ZNF282: variants seen among roughly 807,000 people sequenced by gnomAD.
ZNF282 encodes the protein HTLV-I U5 repressive element-binding protein 1.
Under a neutral mutation model 61.9 loss-of-function variants are expected in ZNF282, and 30 were observed. The observed-to-expected ratio is 0.48, with a 90% CI of 0.36 to 0.66. ZNF282 has a LOEUF of 0.66. Among genes scored for constraint, ZNF282 ranks in the 30% least tolerant of loss-of-function variants. The pLI is 0.00. For synonymous variants in ZNF282, 396 were observed against 405.0 expected, an observed-to-expected ratio of 0.98 and a Z score of 0.27; for missense variants, 788 against 941.4, an observed-to-expected ratio of 0.84 and a Z score of 2.13.
intron 2 of ZNF282, 195 bp from the exon 3 acceptor site, chr7:149,206,501 A>G: frequency 1.4e-6 from 1 of 729,798 alleles, no homozygotes. Context: ...AGGGTTGACC[A>G]TCCGTGTTAT....
rs1319578068 is a variant in ZNF282 at position 149,224,425 on chromosome 7, C to T, written c.1794C>T (p.Gly598=). 3.1e-6 allele frequency: 5 copies of T among 1,613,952 alleles called. No homozygotes were observed. The East Asian group carries it at 8.9e-5, about 29-fold the overall frequency. Residue 598 remains glycine (G), a synonymous_variant, in exon 8 of 8, where the codon GGC becomes GGT. Transcript: ENST00000610704. The stretch of plus-strand genomic sequence containing the variant: ...AGAACCACCAGCGGCTGCACACGGG[C>T]GAGCGGCCTTTCCAATGTGCACTGT... ...HLQNHQRLHT[G]ERPFQCALCG... is the part of the protein sequence containing the mutation.
intron 2 of ZNF282, among the ~76,000 whole-genome samples, chr7:149,200,572 G>A (rs537889114): frequency 1.2e-3 from 184 of 151,998 alleles, no homozygotes; most frequent in African/African-American, 3.8e-3. Context: ...ACTGCATCCC[G>A]TCTCACAGTC....
At chr7:149,211,145 G>A (rs917370348) in intron 5 of ZNF282, among the ~76,000 whole-genome samples, 16 of 152,146 alleles carry the variant, frequency 1.1e-4, no homozygotes, top group Non-Finnish European at 4.4e-5. Context: ...ACATACCTGC[G>A]GTCCTGTGAG....
intron 2 of ZNF282, among the ~76,000 whole-genome samples, chr7:149,204,854 C>T (rs1795968566): frequency 6.6e-6 from 1 of 152,188 alleles, no homozygotes; most frequent in Admixed American, 6.5e-5. Flanking sequence ...CACGGTGGCT[C>T]ACGCCTGTAA....
Position 149,200,574 on chromosome 7 carries a change from C to T in ZNF282, c.585+1822C>T, listed in dbSNP as rs146029810. On this transcript the variant is annotated intron_variant, in intron 2 of 7. Coordinates refer to ENST00000610704, the MANE Select transcript of ZNF282 (RefSeq NM_003575.4). ...CTCCTCCCTCATGACTGCATCCCGT[C>T]TCACAGTCTTTATTATTTATTTATT... Among the ~76,000 whole-genome samples, 725 of 152,192 alleles carry T rather than the reference C, an allele frequency of 4.8e-3. 4 individuals are homozygous for T. Among genetic ancestry groups the T allele is most frequent in the Non-Finnish European group, 4.9e-3 (334 of 68,010 alleles).
chr7:149,221,687 G>A (rs1431405662), intron 7 of ZNF282, among the ~76,000 whole-genome samples: 1 of 152,092 alleles, frequency 6.6e-6, no homozygotes, highest in Non-Finnish European at 1.5e-5. Context: ...AATTCTTTTG[G>A]CCTCTGCACC....
At chr7:149,210,541 C>G (rs1585567971) in intron 4 of ZNF282, 44 bp from the exon 5 acceptor site, 1 of 1,597,276 alleles carries the variant, frequency 6.3e-7, no homozygotes, top group Non-Finnish European at 8.5e-7. Context: ...CTCCTGGTGC[C>G]TGCAGAAAAA....
intron 2 of ZNF282, among the ~76,000 whole-genome samples, chr7:149,206,094 G>A (rs1297591161): frequency 6.6e-6 from 1 of 152,166 alleles, no homozygotes; most frequent in Admixed American, 6.5e-5. Context: ...CTGACACCAC[G>A]CGACGACTCG....
At position 149,205,259 on chromosome 7, in the gene ZNF282, G is replaced by A. The variant is rs552385148; in HGVS notation, c.586-1437G>A. Among the ~76,000 whole-genome samples, 264 of 151,468 alleles carry A rather than the reference G, an allele frequency of 1.7e-3. 3 individuals carry two copies. Among genetic ancestry groups the A allele is most frequent in the Middle Eastern group, 0.01 (3 of 290 alleles). Reference sequence around the variant, plus strand: ...TTGAGACCAGCCTGGCCAATATGGCGAAACCCCGTCTCTACTAAAAATACA... The same window carrying A: ...TTGAGACCAGCCTGGCCAATATGGCAAAACCCCGTCTCTACTAAAAATACA... On this transcript the variant is annotated intron_variant, in intron 2 of 7. Transcript: ENST00000610704.
chr7:149,203,805 C>T (rs115564699), intron 2 of ZNF282, among the ~76,000 whole-genome samples: 3 of 152,258 alleles, frequency 2.0e-5, no homozygotes, highest in East Asian at 1.9e-4. Context: ...ATCAATAAAA[C>T]GAAGATGATA....
Position 149,224,524 on chromosome 7 carries a change from G to A in ZNF282, c.1893G>A (p.Thr631=), listed in dbSNP as rs139696248. 1.9e-6 allele frequency: 3 copies of A among 1,611,524 alleles called. No individual in the cohort carries two copies. Among genetic ancestry groups the A allele is most frequent in the African/African-American group, 1.3e-5 (1 of 74,886 alleles). The change falls in exon 8 of 8, where the codon ACG becomes ACA. Residue 631 remains threonine, a synonymous_variant. Coordinates refer to ENST00000610704, the MANE Select transcript of ZNF282 (RefSeq NM_003575.4). The stretch of plus-strand genomic sequence containing the variant: ...TCCACACGGGCGAGCGCCCCTACAC[G>A]TGCGGCGAGTGCGGCAAGAGCTTCC... ...QRIHTGERPY[T]CGECGKSFRY...
Position 149,198,191 on chromosome 7 carries a change from T to C in ZNF282, c.166-142T>C. 1.1e-6 allele frequency: 1 copy of C among 887,512 alleles called. No individual in the cohort carries two copies. Among genetic ancestry groups the C allele is most frequent in the Non-Finnish European group, 1.7e-6 (1 of 601,210 alleles). 55.0% of individuals were successfully genotyped at this position (887,512 alleles called of 1,614,324 possible). ...GTGAGTGGGTAGCTGTTGCTGGGGG[T>C]GTTAGTGTATCCTGAGTTACGGGGG... On this transcript the variant is annotated intron_variant, in intron 1 of 7. Transcript: ENST00000610704. This position sits in a 1 kb window ranked among gnomAD's most constrained non-coding sequence, Gnocchi z 4.3.
intron 1 of ZNF282, among the ~76,000 whole-genome samples, chr7:149,196,569 C>T (rs1158802725): frequency 6.6e-6 from 1 of 152,198 alleles, no homozygotes; most frequent in Non-Finnish European, 1.5e-5. Context: ...CTGGGCTGCT[C>T]AGGGGCCCCT....
At chr7:149,222,584 G>A (rs1796272817) in intron 7 of ZNF282, among the ~76,000 whole-genome samples, 3 of 152,082 alleles carry the variant, frequency 2.0e-5, no homozygotes, top group South Asian at 2.1e-4. Flanking sequence ...CCCAGGAGTT[G>A]GAGACCAGCC....
At position 149,205,283 on chromosome 7, in the gene ZNF282, CA is replaced by C. The variant is rs1423651093; in HGVS notation, c.586-1408del. 3.7e-4 allele frequency among the ~76,000 whole-genome samples: 55 copies of C among 148,286 alleles called. 1 individual carries two copies. In the South Asian group the frequency reaches 0.012, roughly 32 times the overall value. ...CGAAACCCCGTCTCTACTAAAAATA[CA>C]AAAATTAGCCGGGCGTGGTGGCAAG... On this transcript the variant is annotated intron_variant, in intron 2 of 7. Coordinates refer to ENST00000610704, the MANE Select transcript of ZNF282 (RefSeq NM_003575.4).
intron 4 of ZNF282, among the ~76,000 whole-genome samples, chr7:149,209,448 G>A (rs1298947268): frequency 6.6e-6 from 1 of 152,076 alleles, no homozygotes; most frequent in African/African-American, 2.4e-5. Context: ...CCTCTAAATG[G>A]CTCCTTCCCT....
chr7:149,213,085 A>G (rs890020317), intron 6 of ZNF282, among the ~76,000 whole-genome samples: 1 of 152,182 alleles, frequency 6.6e-6, no homozygotes, highest in Non-Finnish European at 1.5e-5. Context: ...CCCACGACCT[A>G]TGTGTGTGTC....
At chr7:149,211,326 G>A (rs1796081785) in intron 5 of ZNF282, among the ~76,000 whole-genome samples, 1 of 152,138 alleles carries the variant, frequency 6.6e-6, no homozygotes. Flanking sequence ...TGTGGAGGCC[G>A]GCAAGTCCAA....
intron 7 of ZNF282, among the ~76,000 whole-genome samples, chr7:149,215,722 C>G (rs895381915): frequency 7.9e-5 from 12 of 152,216 alleles, no homozygotes; most frequent in African/African-American, 2.7e-4. Flanking sequence ...CTCTTTGTAA[C>G]TGCTGGCTTG....
Sources: allele counts gnomAD v4.1 joint callset (sites outside exome capture counted in the v4.1 genomes callset), GRCh38; gene constraint gnomAD v4.1.1; non-coding constraint Gnocchi (gnomAD v3.1); transcripts MANE v1.5; gene names NCBI Gene and HGNC (gene_info 2026-07-23, HGNC 2026-07-21).